Variants in ATRN observed in about 807,000 individuals in gnomAD.
The protein encoded by ATRN is attractin-2.
A neutral mutation model predicts 178.7 loss-of-function variants in ATRN; 54 were observed. That is an observed-to-expected ratio of 0.30 (90% CI 0.24 to 0.38). The LOEUF (loss-of-function observed/expected upper bound fraction) is 0.38, where lower values mean the gene tolerates loss of function less well. Ranked by LOEUF, ATRN falls within the 10% of genes least tolerant of loss-of-function variation. The pLI is 1.00. For synonymous variants in ATRN, 636 were observed against 663.0 expected (o/e 0.96, Z 0.63); for missense variants, 1,443 against 1,815.1 (o/e 0.79, Z 3.73).
chr20:3,584,587 T>A, intron 17 of ATRN, 60 bp from the exon 18 acceptor site: 1 of 1,239,950 alleles, frequency 8.1e-7, no homozygotes, highest in Non-Finnish European at 1.1e-6. Flanking sequence ...AAAAAAAAAG[T>A]AAATACAGTG....
intron 24 of ATRN, among the ~76,000 whole-genome samples, chr20:3,614,449 T>C (rs2146305135): frequency 6.6e-6 from 1 of 152,276 alleles, no homozygotes; most frequent in Non-Finnish European, 1.5e-5. Flanking sequence ...TGCTGGGTGT[T>C]TCATCTACTG....
chr20:3,617,739 C>A (rs1291676463), intron 24 of ATRN, among the ~76,000 whole-genome samples: 1 of 152,116 alleles, frequency 6.6e-6, no homozygotes, highest in African/African-American at 2.4e-5. Context: ...ATGATTTGGC[C>A]TCCTACAGAC....
Position 3,563,219 on chromosome 20 carries a change from A to C in ATRN, c.1642A>C (p.Lys548Gln). 6.2e-7 allele frequency: 1 copy of C among 1,612,864 alleles called. No individual in the cohort carries two copies. Among genetic ancestry groups the C allele is most frequent in the South Asian group, 1.1e-5 (1 of 90,768 alleles). The change falls in exon 10 of 29, where the codon AAG becomes CAG. Residue 548 changes from lysine (K) to glutamine (Q), a missense_variant. Physicochemically the swap from Lys to Gln is moderately conservative, Grantham distance 53. Around this residue, in one of 4 missense-constraint regions of ATRN, gnomAD observed 862 missense variants for 972.1 expected, o/e 0.89. Transcript: ENST00000262919. ...DVDTQMWTIL[K>Q]DSRFFRYLHT... ...AAATAAACTCAAAAGGACCATTCTTAAGGACAGCCGATTTTTCCGTTACTT... is the reference window on the plus strand; with the variant it reads ...AAATAAACTCAAAAGGACCATTCTTCAGGACAGCCGATTTTTCCGTTACTT...
chr20:3,583,963 A>G lies in ATRN; in HGVS notation c.2830A>G (p.Ser944Gly). 7 of 1,614,232 alleles carry G rather than the reference A, an allele frequency of 4.3e-6. No homozygotes were observed. The highest frequency in any genetic ancestry group is 5.9e-6 in the Non-Finnish European group (7 of 1,180,028). Residue 944 changes from serine (S) to glycine (G), a missense_variant, in exon 17 of 29, where the codon AGC (serine) becomes GGC (glycine). Ser to Gly is a moderately conservative substitution (Grantham distance 56). Around this residue, in one of 4 missense-constraint regions of ATRN, gnomAD observed 212 missense variants for 330.7 expected, o/e 0.64. Transcript: ENST00000262919. ...ALRTACGDCT[S>G]GSSECMWCSN... ...GAGGACAGCATGTGGAGATTGCACC[A>G]GCGGCAGCTCTGAGTGCATGTGGTG... is the stretch of plus-strand genomic sequence containing the variant.
At chr20:3,601,081 T>C in intron 23 of ATRN, 57 bp downstream of exon 23, 21 of 1,485,518 alleles carry the variant, frequency 1.4e-5, no homozygotes, top group Non-Finnish European at 2.0e-5. Flanking sequence ...TTAAGAAATG[T>C]AATATAGGAA....
chr20:3,544,941 G>A (rs1292297913), intron 3 of ATRN, among the ~76,000 whole-genome samples: 4 of 151,774 alleles, frequency 2.6e-5, no homozygotes, highest in Admixed American at 2.6e-4. Flanking sequence ...TAGAAAATGC[G>A]TTAAGTTTTA....
At chr20:3,625,999 AAG>A (rs2086935529) in intron 25 of ATRN, among the ~76,000 whole-genome samples, 5 of 152,162 alleles carry the variant, frequency 3.3e-5, no homozygotes, top group Non-Finnish European at 5.9e-5. Context: ...TGGGAGACCA[AAG>A]TGGGTGGGTC....
At chr20:3,528,653 G>T (rs937237898) in intron 1 of ATRN, among the ~76,000 whole-genome samples, 1 of 151,880 alleles carries the variant, frequency 6.6e-6, no homozygotes, top group African/African-American at 2.4e-5. Flanking sequence ...TGATTACTTG[G>T]GTGATGGAAT....
chr20:3,563,925 G>A (rs1462219465), intron 10 of ATRN, among the ~76,000 whole-genome samples: 1 of 152,126 alleles, frequency 6.6e-6, no homozygotes, highest in Non-Finnish European at 1.5e-5. Context: ...CTAGTTTAGT[G>A]ATACTAAACA....
At chr20:3,550,791 C>G (rs750488139) in intron 6 of ATRN, among the ~76,000 whole-genome samples, 9 of 152,166 alleles carry the variant, frequency 5.9e-5, no homozygotes, top group Non-Finnish European at 1.3e-4. Context: ...ATCCCCCTTC[C>G]CTCTGGGGGG....
At chr20:3,567,720 A>T (rs1327698221) in intron 11 of ATRN, among the ~76,000 whole-genome samples, 2 of 152,084 alleles carry the variant, frequency 1.3e-5, no homozygotes, top group African/African-American at 4.8e-5. Flanking sequence ...CTTGGTTTTC[A>T]TTGAGGTTTT....
intron 6 of ATRN, among the ~76,000 whole-genome samples, chr20:3,558,650 A>G (rs1214735802): frequency 6.6e-6 from 1 of 151,970 alleles, no homozygotes; most frequent in Non-Finnish European, 1.5e-5. Flanking sequence ...ATTTATTTCT[A>G]GATCATGGAA....
At chr20:3,503,606 T>TG (rs1264031875) in intron 1 of ATRN, among the ~76,000 whole-genome samples, 8 of 152,300 alleles carry the variant, frequency 5.3e-5, no homozygotes, top group Admixed American at 4.6e-4. Flanking sequence ...AAATGCTTAC[T>TG]GGACCGGCTC....
chr20:3,577,216 T>C (rs1287286858), intron 14 of ATRN, among the ~76,000 whole-genome samples: 1 of 152,216 alleles, frequency 6.6e-6, no homozygotes, highest in African/African-American at 2.4e-5. Flanking sequence ...CATCCTTTGC[T>C]GCTCTGTAGA....
intron 5 of ATRN, 64 bp downstream of exon 5, chr20:3,547,553 T>C: frequency 7.7e-7 from 1 of 1,294,170 alleles, no homozygotes; most frequent in Non-Finnish European, 1.1e-6. Flanking sequence ...AAATAAATTA[T>C]AGATTGACTT....
At chr20:3,636,595 G>A (rs953470179) in intron 26 of ATRN, among the ~76,000 whole-genome samples, 2 of 152,206 alleles carry the variant, frequency 1.3e-5, no homozygotes, top group Non-Finnish European at 2.9e-5. Flanking sequence ...TGACATCTGA[G>A]CATTTAAAAA....
At chr20:3,485,610 G>GGTT (rs2084679764) in intron 1 of ATRN, among the ~76,000 whole-genome samples, 1 of 67,900 alleles carries the variant, frequency 1.5e-5, no homozygotes, top group Non-Finnish European at 2.8e-5. Context: ...TTTTTTTGAG[G>GGTT]TTTTTTTTTT....
chr20:3,574,561 G>C (rs1045127131), intron 12 of ATRN, among the ~76,000 whole-genome samples: 2 of 152,202 alleles, frequency 1.3e-5, no homozygotes, highest in Non-Finnish European at 2.9e-5. Flanking sequence ...AGGTTCATTG[G>C]TGGGCTGGTG....
At chr20:3,621,078 G>T (rs1218884932) in intron 24 of ATRN, among the ~76,000 whole-genome samples, 1 of 152,134 alleles carries the variant, frequency 6.6e-6, no homozygotes, top group Non-Finnish European at 1.5e-5. Flanking sequence ...GCCTAGGGAA[G>T]CCAAAAGATT....
Sources: allele counts gnomAD v4.1 joint callset (sites outside exome capture counted in the v4.1 genomes callset), GRCh38; gene constraint gnomAD v4.1.1; regional missense constraint gnomAD v4.1.1; transcripts MANE v1.5; gene names NCBI Gene and HGNC (gene_info 2026-07-23, HGNC 2026-07-21).